MCEE: variants seen among roughly 807,000 people sequenced by gnomAD.
MCEE encodes methylmalonyl-CoA epimerase, mitochondrial.
A neutral mutation model predicts 12.9 loss-of-function variants in MCEE; 6 were observed. That is an observed-to-expected ratio of 0.47 (90% CI 0.26 to 0.92). The LOEUF (loss-of-function observed/expected upper bound fraction) is 0.92. MCEE is among the 40% of genes least tolerant of loss of function. The probability of loss-of-function intolerance (pLI) is 0.16; values close to 1 mark genes in which losing one functional copy is unlikely to be tolerated. For synonymous variants in MCEE, 78 were observed against 77.9 expected, an observed-to-expected ratio of 1.00 and a Z score of -0.01; for missense variants, 214 against 212.1, an observed-to-expected ratio of 1.01 and a Z score of -0.05.
intron 2 of MCEE, among the ~76,000 whole-genome samples, chr2:71,120,492 T>C (rs1673078441): frequency 6.7e-6 from 1 of 150,322 alleles, no homozygotes; most frequent in Non-Finnish European, 1.5e-5. Flanking sequence ...ACAAGAAATA[T>C]GAGTAAACCT....
At chr2:71,112,674 G>A (rs1572885721) in intron 2 of MCEE, among the ~76,000 whole-genome samples, 1 of 152,118 alleles carries the variant, frequency 6.6e-6, no homozygotes, top group Admixed American at 6.5e-5. Context: ...GAACTCAAGT[G>A]ATCTGCCCGA....
Position 71,124,299 on chromosome 2 carries a change from C to G in MCEE, c.285G>C (p.Lys95Asn). ...SVVFVNLGNTKMELLHPLGRD... is the reference protein window; with the variant it reads ...SVVFVNLGNTNMELLHPLGRD... ...GTCCCAATGGATGAAGCAGTTCCAT[C>G]TTGGTATTTCCCAGGTTGACAAAAA... Residue 95 changes from lysine to asparagine, a missense_variant, in exon 2 of 3, where the codon AAG (lysine) becomes AAC (asparagine). Physicochemically the swap from Lys to Asn is moderately conservative, Grantham distance 94. Coordinates refer to ENST00000244217, the MANE Select transcript of MCEE (RefSeq NM_032601.4). 1 of 1,614,190 alleles carries G rather than the reference C, an allele frequency of 6.2e-7. No homozygotes were observed. Among genetic ancestry groups the G allele is most frequent in the Non-Finnish European group, 8.5e-7 (1 of 1,180,016 alleles).
intron 2 of MCEE, among the ~76,000 whole-genome samples, chr2:71,111,606 G>A (rs755338338): frequency 1.3e-5 from 2 of 152,062 alleles, no homozygotes; most frequent in African/African-American, 2.4e-5. Flanking sequence ...CCTAACATGC[G>A]TGCAATACTC....
chr2:71,115,409 CA>C (rs1558744011), intron 2 of MCEE, among the ~76,000 whole-genome samples: 13 of 140,594 alleles, frequency 9.2e-5, no homozygotes, highest in African/African-American at 3.9e-4. Context: ...GTCTAAATGA[CA>C]TTGCACTAGC....
At chr2:71,118,978 T>C (rs890192192) in intron 2 of MCEE, among the ~76,000 whole-genome samples, 1 of 149,638 alleles carries the variant, frequency 6.7e-6, no homozygotes, top group African/African-American at 2.6e-5. Flanking sequence ...ATGGATGCCC[T>C]CCTCACCTTG....
chr2:71,129,963 T>C (rs1029340503), intron 1 of MCEE: 1 of 628,442 alleles, frequency 1.6e-6, no homozygotes, highest in Non-Finnish European at 2.9e-6. Context: ...AGCTCTCGGA[T>C]GGAAATGGGA....
rs115175255 is a variant in MCEE at position 71,110,073 on chromosome 2, C to T, written c.428G>A (p.Arg143His). Residue 143 changes from arginine (R) to histidine (H), a missense_variant, in exon 3 of 3, where the codon CGC becomes CAC. Physicochemically the swap from Arg to His is conservative, Grantham distance 29 (BLOSUM62 0). Transcript: ENST00000244217. ...TATTTTGACCTCTTCACTTAGACTG[C>T]GGATCTTCTTTTTTTTCAAATCCAT... The part of the protein sequence containing the change: ...AVMDLKKKKI[R>H]SLSEEVKIGA... 13,633 of 1,613,128 alleles carry T rather than the reference C, an allele frequency of 8.5e-3. 395 individuals are homozygous for T. Among genetic ancestry groups the T allele is most frequent in the African/African-American group, 0.065 (4,878 of 74,968 alleles).
intron 1 of MCEE, among the ~76,000 whole-genome samples, chr2:71,125,822 ACTAT>A: frequency 6.6e-6 from 1 of 152,308 alleles, no homozygotes; most frequent in East Asian, 1.9e-4. Flanking sequence ...TTTTACACCA[ACTAT>A]CTAATATTCA....
In MCEE at chr2:71,109,792, AAAT is replaced by A. The variant is rs1308499582; in HGVS notation, c.*175_*177del. ...AATTAACAAATATGTTTGTTAATCT[AAAT>A]AATATACATATTTATGTATTTATAT... On this transcript the variant is annotated 3_prime_UTR_variant, in exon 3 of 3. Transcript: ENST00000244217. The A allele has an allele frequency of 5.2e-6, 2 of 384,558 alleles. No homozygotes were observed. The highest frequency in any genetic ancestry group is 9.0e-6 in the Non-Finnish European group (2 of 221,748). The allele number at this position is 384,558 out of a possible 1,614,324, so 23.8% of individuals were successfully genotyped here. A position where few individuals can be genotyped will look rare whatever the true frequency, so the allele number is the denominator to read the frequency against.
intron 2 of MCEE, among the ~76,000 whole-genome samples, chr2:71,118,798 TTC>T (rs1558745310): frequency 3.3e-5 from 5 of 150,180 alleles, no homozygotes; most frequent in Admixed American, 6.6e-5. Flanking sequence ...AAGCATTTAG[TTC>T]TAAGCTGGCC....
At position 71,119,793 on chromosome 2, in the gene MCEE, C is replaced by T. The variant is rs371772798; in HGVS notation, c.378+4413G>A. On this transcript the variant is annotated intron_variant, in intron 2 of 2. Transcript: ENST00000244217. ...GTGCGGCTGAGCATGGTGGTTCATG[C>T]CTGTAATCCCAGTGCTTTGGAAGGG... 1.5e-4 allele frequency among the ~76,000 whole-genome samples: 22 copies of T among 150,002 alleles called. 3 individuals are homozygous for T. The highest frequency in any genetic ancestry group is 5.8e-4 in the East Asian group (3 of 5,180).
chr2:71,130,148 C>T lies in MCEE; in HGVS notation c.40+32G>A, dbSNP rs533556341. The T allele has an allele frequency of 5.6e-6, 9 of 1,603,394 alleles. No homozygotes were observed. The East Asian group carries it at 1.8e-4, about 32-fold the overall frequency. ...ACCGCCGTTCCCACGCTCCCTGTCCCATGGCGAAGGTCGCCGGTGCCCGGT... is the reference window on the plus strand; with the variant it reads ...ACCGCCGTTCCCACGCTCCCTGTCCTATGGCGAAGGTCGCCGGTGCCCGGT... On this transcript the variant is annotated intron_variant, in intron 1 of 2. Coordinates refer to ENST00000244217, the MANE Select transcript of MCEE (RefSeq NM_032601.4).
intron 1 of MCEE, among the ~76,000 whole-genome samples, chr2:71,128,583 G>A (rs1302449350): frequency 6.6e-6 from 1 of 151,264 alleles, no homozygotes; most frequent in Non-Finnish European, 1.5e-5. Context: ...AGGCTGGAGT[G>A]CAGTGGCGCG....
intron 1 of MCEE, among the ~76,000 whole-genome samples, chr2:71,125,484 GAT>G (rs1673211363): frequency 6.6e-6 from 1 of 151,666 alleles, no homozygotes; most frequent in African/African-American, 2.4e-5. Context: ...TAGGATTAGA[GAT>G]GTGAGCCACT....
At position 71,110,122 on chromosome 2, in the gene MCEE, C is replaced by T. The variant is rs1672858482; in HGVS notation, c.379G>A (p.Val127Met). Residue 127 changes from valine to methionine, a missense_variant and splice_region_variant, in exon 3 of 3, where the codon GTG (valine) becomes ATG (methionine). By Grantham distance (21) the Val-to-Met change is conservative. Coordinates refer to ENST00000244217, the MANE Select transcript of MCEE (RefSeq NM_032601.4). Reference sequence around the variant, plus strand: ...ATCACAGCTGCATTAATATTATCCACCTTAAGAAAGGGAAATAAATTGAAC... The same window carrying T: ...ATCACAGCTGCATTAATATTATCCATCTTAAGAAAGGGAAATAAATTGAAC... ...AGGMHHICIE[V>M]DNINAAVMDL... 1 of 1,611,638 alleles carries T rather than the reference C, an allele frequency of 6.2e-7. No individual in the cohort carries two copies. The highest frequency in any genetic ancestry group is 8.5e-7 in the Non-Finnish European group (1 of 1,178,194).
rs563212826 is a variant in MCEE at position 71,112,200 on chromosome 2, G to A, written c.379-2078C>T. ...CACCCAGGCTGGAGTGTAGTAGTGC[G>A]ATCTCAGCTCACTGCAACCCCTGCC... On this transcript the variant is annotated intron_variant, in intron 2 of 2. Coordinates refer to ENST00000244217, the MANE Select transcript of MCEE (RefSeq NM_032601.4). 4.3e-3 allele frequency among the ~76,000 whole-genome samples: 650 copies of A among 152,186 alleles called. 3 individuals are homozygous for A. Among genetic ancestry groups the A allele is most frequent in the Non-Finnish European group, 7.2e-3 (487 of 67,996 alleles).
rs894088861 is a variant in MCEE at position 71,109,897 on chromosome 2, A to G, written c.*73T>C. 6.8e-7 allele frequency: 1 copy of G among 1,479,520 alleles called. No individual in the cohort carries two copies. Among genetic ancestry groups the G allele is most frequent in the African/African-American group, 1.4e-5 (1 of 72,280 alleles). 91.6% of individuals were successfully genotyped at this position (1,479,520 alleles called of 1,614,324 possible). A position where few individuals can be genotyped will look rare whatever the true frequency, so the allele number is the denominator to read the frequency against. The stretch of plus-strand genomic sequence containing the variant: ...CATGATGGAAGCAGTGAAGGACTCA[A>G]TGTCATAGTACATTTTGATAGTATT... On this transcript the variant is annotated 3_prime_UTR_variant, in exon 3 of 3. Transcript: ENST00000244217.
chr2:71,120,900 G>C (rs1241636636), intron 2 of MCEE, among the ~76,000 whole-genome samples: 1 of 152,072 alleles, frequency 6.6e-6, no homozygotes, highest in East Asian at 1.9e-4. Context: ...GCCACGTCCA[G>C]CTAATTTTTG....
chr2:71,111,393 T>C lies in MCEE; in HGVS notation c.379-1271A>G, dbSNP rs541262407. On this transcript the variant is annotated intron_variant, in intron 2 of 2. Transcript: ENST00000244217. ...TCTTATTTTTAAATTCATATCAATA[T>C]TATTAAGCTTTTCTTCTGCTGCGTT... Among the ~76,000 whole-genome samples the C allele has an allele frequency of 7.9e-5, 12 of 152,234 alleles. No individual in the cohort carries two copies. In the South Asian group the frequency reaches 1.7e-3, roughly 21 times the overall value.
Sources: allele counts gnomAD v4.1 joint callset (sites outside exome capture counted in the v4.1 genomes callset), GRCh38; gene constraint gnomAD v4.1.1; transcripts MANE v1.5; gene names NCBI Gene and HGNC (gene_info 2026-07-23, HGNC 2026-07-21).